CSRP1: variants seen among roughly 807,000 people sequenced by gnomAD.
CSRP1 encodes cysteine and glycine-rich protein 1.
In CSRP1, 16 loss-of-function variants were observed where a neutral mutation model predicts 25.4. The observed-to-expected ratio is 0.63, with a 90% CI of 0.43 to 0.96. The LOEUF is 0.96. Among genes scored for constraint, CSRP1 ranks in the 40% least tolerant of loss-of-function variants. The probability of loss-of-function intolerance (pLI) is 0.00; values close to 1 mark genes in which losing one functional copy is unlikely to be tolerated. For synonymous variants in CSRP1, 97 were observed against 95.3 expected (o/e 1.02, Z -0.10); for missense variants, 212 against 243.6 (o/e 0.87, Z 0.86).
chr1:201,503,629 C>T (rs753825462), intron 1 of CSRP1, among the ~76,000 whole-genome samples: 10 of 152,148 alleles, frequency 6.6e-5, no homozygotes, highest in South Asian at 2.1e-4. Context: ...TAGCTGCCCC[C>T]GTATTTACAC....
intron 1 of CSRP1, among the ~76,000 whole-genome samples, chr1:201,500,797 C>A (rs79540502): frequency 0.018 from 2,666 of 152,298 alleles, 35 homozygotes; most frequent in Middle Eastern, 0.061. Flanking sequence ...CCAAATTCTG[C>A]CTGTAGGGAG....
At chr1:201,493,561 C>T (rs1230679311) in intron 2 of CSRP1, among the ~76,000 whole-genome samples, 2 of 152,174 alleles carry the variant, frequency 1.3e-5, no homozygotes, top group Admixed American at 1.3e-4. Flanking sequence ...ACTGTGAGTC[C>T]ATTAAACCTC....
intron 2 of CSRP1, chr1:201,492,793 TG>T: frequency 6.6e-6 from 1 of 152,382 alleles, no homozygotes; most frequent in Non-Finnish European, 1.5e-5. Context: ...CCTCCAGACC[TG>T]GTGGTTTTCT....
At chr1:201,495,025 A>C (rs1394811959) in intron 2 of CSRP1, among the ~76,000 whole-genome samples, 1 of 152,246 alleles carries the variant, frequency 6.6e-6, no homozygotes, top group East Asian at 1.9e-4. Context: ...TAACTTGTCC[A>C]TCATCACACA....
intron 1 of CSRP1, among the ~76,000 whole-genome samples, chr1:201,498,044 G>A (rs992118981): frequency 1.3e-5 from 2 of 151,906 alleles, no homozygotes; most frequent in African/African-American, 2.4e-5. Flanking sequence ...CGACTTCACC[G>A]AGTATGTCTG....
At chr1:201,487,068 A>T in intron 4 of CSRP1, 5 of 992,340 alleles carry the variant, frequency 5.0e-6, no homozygotes, top group Non-Finnish European at 5.6e-6. Flanking sequence ...CTGAGGACAT[A>T]CCAGGCACTA....
At chr1:201,497,007 A>T (rs1203036230) in intron 1 of CSRP1, among the ~76,000 whole-genome samples, 3 of 152,210 alleles carry the variant, frequency 2.0e-5, no homozygotes, top group Non-Finnish European at 4.4e-5. Context: ...ACTTTTGTAT[A>T]TAAGCTATAG....
intron 3 of CSRP1, chr1:201,489,469 G>C (rs1378334040): frequency 1.1e-5 from 2 of 174,846 alleles, no homozygotes; most frequent in East Asian, 3.3e-4. Flanking sequence ...CGTGGGGTGA[G>C]GGGGGTGTGG....
chr1:201,484,333 C>A lies in CSRP1; in HGVS notation c.*380G>T. ...TGGTCTTGCTTCCCTCTCCCTCCAGCCTGTTGCTGCTGCTCCTCTGGGTGC... is the reference window on the plus strand; with the variant it reads ...TGGTCTTGCTTCCCTCTCCCTCCAGACTGTTGCTGCTGCTCCTCTGGGTGC... On this transcript the variant is annotated 3_prime_UTR_variant, in exon 6 of 6. Coordinates refer to ENST00000340006, the MANE Select transcript of CSRP1 (RefSeq NM_004078.3). The A allele has an allele frequency of 2.0e-6, 1 of 507,310 alleles. No individual in the cohort carries two copies. Among genetic ancestry groups the A allele is most frequent in the Non-Finnish European group, 3.5e-6 (1 of 282,714 alleles). The allele number at this position is 507,310 out of a possible 1,614,324, so 31.4% of individuals were successfully genotyped here.
rs1272361813 is a variant in CSRP1, at chr1:201,490,288, A to T, written c.169T>A (p.Tyr57Asn). Residue 57 changes from tyrosine to asparagine, a missense_variant, in exon 3 of 6, where the codon TAC becomes AAC. Transcript: ENST00000340006. ...TTCTTGCCGTAGCAGGACTTGCAGT[A>T]AATCTCCTCACCATGCACGGCCACA... ...TTVAVHGEEI[Y>N]CKSCYGKKYG... 5.0e-6 allele frequency: 8 copies of T among 1,614,050 alleles called. No individual in the cohort carries two copies. Among genetic ancestry groups the T allele is most frequent in the Non-Finnish European group, 6.8e-6 (8 of 1,180,040 alleles).
At chr1:201,488,032 T>A (rs537653080) in intron 4 of CSRP1, 55 of 152,360 alleles carry the variant, frequency 3.6e-4, no homozygotes, top group African/African-American at 1.3e-3. Flanking sequence ...AACCTTGTTG[T>A]GTGATCTTGG....
intron 1 of CSRP1, among the ~76,000 whole-genome samples, chr1:201,500,166 C>A (rs1490454369): frequency 1.3e-5 from 2 of 152,194 alleles, no homozygotes; most frequent in Non-Finnish European, 2.9e-5. Flanking sequence ...TCAGTGCTGG[C>A]CCTCTTCCTC....
At chr1:201,485,211 C>A (rs1664094437) in intron 5 of CSRP1, 72 bp downstream of exon 5, 2 of 1,329,460 alleles carry the variant, frequency 1.5e-6, no homozygotes, top group East Asian at 4.6e-5. Context: ...TTACATTCAG[C>A]AAAGGCAAAA....
chr1:201,484,885 G>C, intron 5 of CSRP1, 96 bp from the exon 6 acceptor site: 1 of 1,067,968 alleles, frequency 9.4e-7, no homozygotes, highest in Non-Finnish European at 1.4e-6. Context: ...CTAGTGCCCA[G>C]CCAGACTGCT....
In CSRP1 at chr1:201,488,622, A is replaced by G. The variant is rs779922456; in HGVS notation, c.411+233T>C. 190 of 402,922 alleles carry G rather than the reference A, an allele frequency of 4.7e-4. 3 individuals carry two copies. The highest frequency in any genetic ancestry group is 1.6e-3 in the South Asian group (52 of 31,580). 25.0% of individuals were successfully genotyped at this position (402,922 alleles called of 1,614,324 possible). ...TACAGATTGATCATTGCCACTCCCTATGAATTGCCCATTGTCCATCAATGC... is the reference window on the plus strand; with the variant it reads ...TACAGATTGATCATTGCCACTCCCTGTGAATTGCCCATTGTCCATCAATGC... On this transcript the variant is annotated intron_variant, in intron 4 of 5. Transcript: ENST00000340006.
At chr1:201,506,446 G>A (rs1424528215) in intron 1 of CSRP1, among the ~76,000 whole-genome samples, 1 of 152,236 alleles carries the variant, frequency 6.6e-6, no homozygotes, top group Non-Finnish European at 1.5e-5. Context: ...AACACATTGT[G>A]ATTTGCTTTA....
intron 1 of CSRP1, among the ~76,000 whole-genome samples, chr1:201,497,868 G>A (rs1005699893): frequency 6.6e-6 from 1 of 152,024 alleles, no homozygotes; most frequent in African/African-American, 2.4e-5. Flanking sequence ...AAATTAGTGG[G>A]GCGTGGTGGC....
intron 3 of CSRP1, 116 bp from the exon 4 acceptor site, chr1:201,489,100 T>C (rs1391424013): frequency 1.1e-5 from 15 of 1,390,066 alleles, no homozygotes; most frequent in Non-Finnish European, 4.9e-6. Flanking sequence ...CAATTCTCTC[T>C]GCCAAAGTCA....
chr1:201,496,248 A>G lies in CSRP1; in HGVS notation c.56T>C (p.Phe19Ser), dbSNP rs370889377. The change falls in exon 2 of 6, where the codon TTT (phenylalanine) becomes TCT (serine). Residue 19 changes from phenylalanine (F) to serine (S), a missense_variant. Transcript: ENST00000340006. The stretch of plus-strand genomic sequence containing the variant: ...GCCTTCGCACTGAACCTCTTCGGCA[A>G]AGTAAACCGTCTTCTGACACACCCC... The part of the protein sequence containing the change: ...KCGVCQKTVY[F>S]AEEVQCEGNS... The G allele has an allele frequency of 8.7e-6, 14 of 1,614,116 alleles. No homozygotes were observed. The highest frequency in any genetic ancestry group is 1.2e-5 in the Non-Finnish European group (14 of 1,180,058).
Sources: allele counts gnomAD v4.1 joint callset (sites outside exome capture counted in the v4.1 genomes callset), GRCh38; gene constraint gnomAD v4.1.1; transcripts MANE v1.5; gene names NCBI Gene and HGNC (gene_info 2026-07-23, HGNC 2026-07-21).